FAM168B: variants seen among roughly 807,000 people sequenced by gnomAD.
The protein encoded by FAM168B is family with sequence similarity 168 member B.
In FAM168B, 19 loss-of-function variants were observed where a neutral mutation model predicts 21.8. The ratio of observed to expected loss-of-function variants is 0.87; its 90% CI spans 0.61 to 1.28. FAM168B has a LOEUF of 1.28. Among genes scored for constraint, FAM168B ranks in the 50% most tolerant of loss-of-function variants. The pLI, the probability that FAM168B is intolerant of heterozygous loss-of-function variation, is 0.00. For synonymous variants in FAM168B, 126 were observed against 104.8 expected, an observed-to-expected ratio of 1.20 and a Z score of -1.24; for missense variants, 233 against 263.1, an observed-to-expected ratio of 0.89 and a Z score of 0.79.
chr2:131,067,213 G>A (rs1692610931), intron 3 of FAM168B, among the ~76,000 whole-genome samples: 1 of 152,174 alleles, frequency 6.6e-6, no homozygotes, highest in African/African-American at 2.4e-5. Context: ...ACACAGCCTT[G>A]TTCAGGAGGA....
At chr2:131,077,917 T>TGCAGA (rs1300844850) in intron 2 of FAM168B, among the ~76,000 whole-genome samples, 3 of 152,174 alleles carry the variant, frequency 2.0e-5, no homozygotes, top group African/African-American at 7.2e-5. Context: ...GGATGGACTG[T>TGCAGA]GCAGAGCATG....
At chr2:131,084,130 G>T (rs1322489359) in intron 1 of FAM168B, among the ~76,000 whole-genome samples, 1 of 151,652 alleles carries the variant, frequency 6.6e-6, no homozygotes, top group Non-Finnish European at 1.5e-5. Flanking sequence ...CTCATCTCTT[G>T]ACCTCGTGAT....
At chr2:131,056,732 A>G (rs1189591161) in intron 3 of FAM168B, among the ~76,000 whole-genome samples, 1 of 152,168 alleles carries the variant, frequency 6.6e-6, no homozygotes, top group East Asian at 1.9e-4. Flanking sequence ...TACAAATCCT[A>G]CTGAGCAAGC....
chr2:131,089,289 C>A (rs1449505810), intron 1 of FAM168B, among the ~76,000 whole-genome samples: 1 of 151,350 alleles, frequency 6.6e-6, no homozygotes, highest in Non-Finnish European at 1.5e-5. Context: ...TTTTAGTTTC[C>A]CATTTGAAAT....
chr2:131,090,574 C>G (rs979519861), intron 1 of FAM168B, among the ~76,000 whole-genome samples: 5 of 152,202 alleles, frequency 3.3e-5, no homozygotes, highest in East Asian at 3.9e-4. Context: ...CTGGCAACAT[C>G]AACAAGAGCT....
chr2:131,091,451 G>C (rs1694024239), intron 1 of FAM168B, among the ~76,000 whole-genome samples: 1 of 151,908 alleles, frequency 6.6e-6, no homozygotes. Flanking sequence ...TTCAAGACCA[G>C]ACTGGGCAAC....
rs149222709 is a variant in FAM168B, at chr2:131,052,443, G to A, written c.*22C>T. On this transcript the variant is annotated 3_prime_UTR_variant, in exon 7 of 7. Transcript: ENST00000389915. ...CCCAATAATGTGACTGCACAGCTCC[G>A]TCCTCAAACCTGCAGAAAGGAAGAC... 53 of 994,150 alleles carry A rather than the reference G, an allele frequency of 5.3e-5. No individual in the cohort carries two copies. Among genetic ancestry groups the A allele is most frequent in the Non-Finnish European group, 6.2e-5 (52 of 834,722 alleles). 61.6% of individuals were successfully genotyped at this position (994,150 alleles called of 1,614,324 possible).
chr2:131,063,245 T>C (rs370328438), intron 3 of FAM168B, among the ~76,000 whole-genome samples: 19 of 152,318 alleles, frequency 1.2e-4, no homozygotes, highest in African/African-American at 4.1e-4. Context: ...AACTTTTCTG[T>C]GACATCTGAA....
Position 131,072,227 on chromosome 2 carries a change from G to A in FAM168B, c.71-289C>T, listed in dbSNP as rs1034681381. Reference sequence around the variant, plus strand: ...CAACCTCTGCCTCCCAGGTTCAAGCGATTCTCCTGCCTCAGCCTTCCGAAG... The same window carrying A: ...CAACCTCTGCCTCCCAGGTTCAAGCAATTCTCCTGCCTCAGCCTTCCGAAG... On this transcript the variant is annotated intron_variant, in intron 2 of 6. Coordinates refer to ENST00000389915, the MANE Select transcript of FAM168B (RefSeq NM_001009993.4). Among the ~76,000 whole-genome samples the A allele has an allele frequency of 1.6e-4, 25 of 152,042 alleles. No individual in the cohort carries two copies. The East Asian group carries it at 4.5e-3, about 27-fold the overall frequency.
At chr2:131,079,568 C>T (rs1693331407) in intron 2 of FAM168B, among the ~76,000 whole-genome samples, 1 of 152,222 alleles carries the variant, frequency 6.6e-6, no homozygotes. Flanking sequence ...CTAAAGACTG[C>T]AGACAGCCAC....
intron 2 of FAM168B, among the ~76,000 whole-genome samples, chr2:131,080,654 A>G (rs1218122319): frequency 6.7e-6 from 1 of 150,046 alleles, no homozygotes; most frequent in African/African-American, 2.4e-5. Flanking sequence ...CTTTATAATA[A>G]GCACTAAAAG....
chr2:131,069,569 C>T (rs1692752711), intron 3 of FAM168B, among the ~76,000 whole-genome samples: 1 of 152,090 alleles, frequency 6.6e-6, no homozygotes, highest in African/African-American at 2.4e-5. Context: ...TCTCGGCTCA[C>T]TGCAAGCTCC....
At chr2:131,059,067 G>A (rs1052885560) in intron 3 of FAM168B, among the ~76,000 whole-genome samples, 3 of 152,052 alleles carry the variant, frequency 2.0e-5, no homozygotes, top group Non-Finnish European at 2.9e-5. Context: ...GGTGTGTGGC[G>A]GGCACACATG....
In FAM168B at chr2:131,061,018, A is replaced by G. The variant is rs1187187494; in HGVS notation, c.155-5323T>C. Among the ~76,000 whole-genome samples the G allele has an allele frequency of 6.2e-4, 89 of 143,276 alleles. 5 individuals are homozygous for G. In the East Asian group the frequency reaches 0.018, roughly 30 times the overall value. 94.0% of individuals were successfully genotyped at this position (143,276 alleles called of 152,430 possible). On this transcript the variant is annotated intron_variant, in intron 3 of 6. Transcript: ENST00000389915. Reference sequence around the variant, plus strand: ...AGGCGCCCACCACCAAGCCTGGCTAATTTTTTTTTTTTTTGGTAGAGACGG... The same window carrying G: ...AGGCGCCCACCACCAAGCCTGGCTAGTTTTTTTTTTTTTTGGTAGAGACGG...
At chr2:131,082,819 C>T (rs1693486196) in intron 1 of FAM168B, among the ~76,000 whole-genome samples, 162 bp from the exon 2 acceptor site, 1 of 152,150 alleles carries the variant, frequency 6.6e-6, no homozygotes, top group Admixed American at 6.5e-5. Flanking sequence ...AAGGGACACT[C>T]GATGTCCTAA....
chr2:131,090,174 A>C, intron 1 of FAM168B, among the ~76,000 whole-genome samples: 1 of 113,294 alleles, frequency 8.8e-6, no homozygotes, highest in East Asian at 2.7e-4. Flanking sequence ...AAAAAAAATT[A>C]TCCAGGCACG....
rs1692666012 is a variant in FAM168B, at chr2:131,068,043, AAAAC to A, written c.154+3808_154+3811del. On this transcript the variant is annotated intron_variant, in intron 3 of 6. Coordinates refer to ENST00000389915, the MANE Select transcript of FAM168B (RefSeq NM_001009993.4). The stretch of plus-strand genomic sequence containing the variant: ...GAAACCACAAGACCCCCATCTCTTA[AAAAC>A]AAACACCCAAGACATGAAAACAGAG... 3.9e-5 allele frequency among the ~76,000 whole-genome samples: 6 copies of A among 152,344 alleles called. No homozygotes were observed. In the South Asian group the frequency reaches 1.2e-3, roughly 32 times the overall value.
At chr2:131,063,072 T>C (rs2105489871) in intron 3 of FAM168B, among the ~76,000 whole-genome samples, 1 of 152,346 alleles carries the variant, frequency 6.6e-6, no homozygotes, top group East Asian at 1.9e-4. Context: ...TTGTAAAAGT[T>C]GACGTTAAAA....
chr2:131,061,276 A>G (rs1035823768), intron 3 of FAM168B, among the ~76,000 whole-genome samples: 25 of 148,242 alleles, frequency 1.7e-4, no homozygotes, highest in African/African-American at 6.2e-4. Context: ...CAAGCTGGCA[A>G]AACCTCGCCT....
Sources: gnomAD v4.1 joint callset for allele counts (sites outside exome capture counted in the v4.1 genomes callset) on GRCh38, gnomAD v4.1.1 for gene constraint, MANE v1.5 for transcripts, NCBI Gene and HGNC (gene_info 2026-07-23, HGNC 2026-07-21) for gene names.